TBCD: variants seen among roughly 807,000 people sequenced by gnomAD.
TBCD encodes the protein tubulin-specific chaperone D.
A neutral mutation model predicts 169.3 loss-of-function variants in TBCD; 105 were observed. The observed-to-expected ratio is 0.62, with a 90% CI of 0.53 to 0.73. The LOEUF is 0.73. Among genes scored for constraint, TBCD ranks in the 30% least tolerant of loss-of-function variants. The probability of loss-of-function intolerance (pLI) is 0.00; values close to 1 mark genes in which losing one functional copy is unlikely to be tolerated. For missense variants in TBCD, 1,444 were observed against 1,600.1 expected (o/e 0.90, Z 1.66); for synonymous variants, 700 against 643.9 (o/e 1.09, Z -1.32).
rs374401282 is a variant in TBCD, at chr17:82,930,483, G to A, written c.2992-39G>A. ...GCCAAGCCTGAGGGGTGGCAGGCTC[G>A]GGGGTCCCACTGCCTTCTGAGGTGT... On this transcript the variant is annotated intron_variant, in intron 32 of 38. Transcript: ENST00000355528. This position sits in a 1 kb window ranked among gnomAD's most constrained non-coding sequence, Gnocchi z 5.2. 46 of 1,603,002 alleles carry A rather than the reference G, an allele frequency of 2.9e-5. No homozygotes were observed. Among genetic ancestry groups the A allele is most frequent in the Admixed American group, 6.8e-5 (4 of 58,702 alleles).
chr17:82,754,208 G>GT (rs1417096011), intron 1 of TBCD, among the ~76,000 whole-genome samples: 2 of 152,076 alleles, frequency 1.3e-5, no homozygotes, highest in East Asian at 1.9e-4. Context: ...GAGGGCCAGG[G>GT]TTTTTTAGAG....
At chr17:82,896,453 G>GTTTTTTTTTTTT (rs1014108505) in intron 17 of TBCD, among the ~76,000 whole-genome samples, 1 of 91,426 alleles carries the variant, frequency 1.1e-5, no homozygotes, top group Non-Finnish European at 2.0e-5. Context: ...TGTGCTGTCA[G>GTTTTTTTTTTTT]TTTTTTTTTT....
At chr17:82,867,060 AC>A (rs1471868591) in intron 13 of TBCD, among the ~76,000 whole-genome samples, 1 of 152,194 alleles carries the variant, frequency 6.6e-6, no homozygotes, top group East Asian at 1.9e-4. Flanking sequence ...GCAGCTGACT[AC>A]GATGGTGCTA....
At chr17:82,846,542 T>G (rs1392049147) in intron 13 of TBCD, among the ~76,000 whole-genome samples, 1 of 152,250 alleles carries the variant, frequency 6.6e-6, no homozygotes, top group Non-Finnish European at 1.5e-5. Flanking sequence ...GTAGTGAGAC[T>G]GGCTGAGACC....
At chr17:82,771,970 T>C (rs905150707) in intron 5 of TBCD, among the ~76,000 whole-genome samples, 2 of 152,004 alleles carry the variant, frequency 1.3e-5, no homozygotes, top group African/African-American at 2.4e-5. Flanking sequence ...ACACCTACTA[T>C]GTACCCCAAA....
rs919585609 is a variant in TBCD at position 82,890,998 on chromosome 17, G to T, written c.1563+1301G>T. The stretch of plus-strand genomic sequence containing the variant: ...AGGAGAAGAAGTCTCCCTGTCCCTG[G>T]GCTTCCAGCCCCTCCAGAGCCCCCA... On this transcript the variant is annotated intron_variant, in intron 16 of 38. Coordinates refer to ENST00000355528, the MANE Select transcript of TBCD (RefSeq NM_005993.5). The surrounding 1 kb of genome is among the most constrained non-coding windows in gnomAD (Gnocchi z 5.3). 6.6e-6 allele frequency among the ~76,000 whole-genome samples: 1 copy of T among 152,214 alleles called. No homozygotes were observed. Among genetic ancestry groups the T allele is most frequent in the East Asian group, 1.9e-4 (1 of 5,196 alleles).
At chr17:82,759,543 C>G (rs1186096808) in intron 2 of TBCD, among the ~76,000 whole-genome samples, 1 of 152,070 alleles carries the variant, frequency 6.6e-6, no homozygotes, top group Non-Finnish European at 1.5e-5. Flanking sequence ...TCAGGCTGGT[C>G]TCGAACTTCT....
chr17:82,854,905 C>A (rs962511925), intron 13 of TBCD, among the ~76,000 whole-genome samples: 3 of 152,216 alleles, frequency 2.0e-5, no homozygotes, highest in African/African-American at 7.2e-5. Context: ...TGTGTAAAGG[C>A]CCTGATCGCA....
At chr17:82,808,136 G>A (rs531024162) in intron 11 of TBCD, among the ~76,000 whole-genome samples, 110 of 152,298 alleles carry the variant, frequency 7.2e-4, no homozygotes, top group Non-Finnish European at 1.2e-3. Context: ...TGGAGGTCGT[G>A]GGGCAGATCC....
chr17:82,918,756 A>G (rs1377921585), intron 23 of TBCD: 3 of 152,236 alleles, frequency 2.0e-5, no homozygotes, highest in Non-Finnish European at 4.4e-5. Context: ...TTTTAACTTG[A>G]TTATAAAATA....
chr17:82,825,386 G>A (rs1341616924), intron 13 of TBCD, among the ~76,000 whole-genome samples: 11 of 152,108 alleles, frequency 7.2e-5, no homozygotes, highest in African/African-American at 9.7e-5. Flanking sequence ...CTCCCTGCAC[G>A]GCTGTTTAGT....
intron 13 of TBCD, among the ~76,000 whole-genome samples, chr17:82,836,452 AC>A (rs1420511975): frequency 6.6e-6 from 1 of 152,238 alleles, no homozygotes; most frequent in East Asian, 1.9e-4. Flanking sequence ...TCCTCGCGAG[AC>A]CGAAACGCCG....
intron 9 of TBCD, among the ~76,000 whole-genome samples, chr17:82,802,508 A>ATG (rs1223069612): frequency 6.6e-6 from 1 of 152,062 alleles, no homozygotes; most frequent in Non-Finnish European, 1.5e-5. Flanking sequence ...AGCCCATAGG[A>ATG]TGTGTGTGTG....
rs762803364 is a variant in TBCD at position 82,772,500 on chromosome 17, G to A, written c.631G>A (p.Val211Met). ...GGCCCGAGATGCAGCTGCTGTCCTT[G>A]TGTCCAGGTAAGTTTCCATGGCACA... ...DKARDAAAVL[V>M]SRFITRPDVK... Residue 211 changes from valine (V) to methionine (M), a missense_variant, in exon 6 of 39, where the codon GTG (valine) becomes ATG (methionine). Coordinates refer to ENST00000355528, the MANE Select transcript of TBCD (RefSeq NM_005993.5). 1 of 1,614,004 alleles carries A rather than the reference G, an allele frequency of 6.2e-7. No homozygotes were observed. Among genetic ancestry groups the A allele is most frequent in the Non-Finnish European group, 8.5e-7 (1 of 1,179,896 alleles).
intron 8 of TBCD, among the ~76,000 whole-genome samples, chr17:82,798,004 T>G: frequency 1.5e-5 from 2 of 136,978 alleles, no homozygotes; most frequent in Non-Finnish European, 1.6e-5. Context: ...TGAGACTGAG[T>G]CTCCCTCTGT....
In TBCD at chr17:82,911,899, T is replaced by C. The variant is rs12600371; in HGVS notation, c.2038+110T>C. 151,045 of 1,128,580 alleles carry C rather than the reference T, an allele frequency of 0.13. 12,218 individuals carry two copies. The highest frequency in any genetic ancestry group is 0.3 in the South Asian group (22,436 of 75,350). The allele number at this position is 1,128,580 out of a possible 1,614,324, so 69.9% of individuals were successfully genotyped here. Reference sequence around the variant, plus strand: ...CCCATTAGCCCCCAGGGTGAAGGGCTGGGTGTGTTTCTTCTGTGGAGGCGG... The same window carrying C: ...CCCATTAGCCCCCAGGGTGAAGGGCCGGGTGTGTTTCTTCTGTGGAGGCGG... On this transcript the variant is annotated intron_variant, in intron 23 of 38. Coordinates refer to ENST00000355528, the MANE Select transcript of TBCD (RefSeq NM_005993.5).
intron 11 of TBCD, among the ~76,000 whole-genome samples, chr17:82,808,353 G>A (rs1480021255): frequency 2.1e-5 from 3 of 140,056 alleles, no homozygotes; most frequent in East Asian, 2.0e-4. Context: ...AGGGGATGAG[G>A]CAGGTGCAGG....
chr17:82,786,638 C>A (rs2049333737), intron 7 of TBCD, among the ~76,000 whole-genome samples: 1 of 152,024 alleles, frequency 6.6e-6, no homozygotes, highest in South Asian at 2.1e-4. Flanking sequence ...CACCTTCTGG[C>A]CAGGCTGGCT....
At chr17:82,796,105 G>T (rs1455512285) in intron 7 of TBCD, 1 of 152,258 alleles carries the variant, frequency 6.6e-6, no homozygotes, top group African/African-American at 2.4e-5. Context: ...TTATCCCCCA[G>T]GCGCGGTCCG....
Sources: allele counts gnomAD v4.1 joint callset (sites outside exome capture counted in the v4.1 genomes callset), GRCh38; gene constraint gnomAD v4.1.1; non-coding constraint Gnocchi (gnomAD v3.1); transcripts MANE v1.5; gene names NCBI Gene and HGNC (gene_info 2026-07-23, HGNC 2026-07-21).